LRRC7: variants seen among roughly 807,000 people sequenced by gnomAD.
LRRC7 encodes leucine-rich repeat-containing protein 7.
A neutral mutation model predicts 175.7 loss-of-function variants in LRRC7; 23 were observed. That is an observed-to-expected ratio of 0.13 (90% confidence interval 0.09 to 0.19). The LOEUF (loss-of-function observed/expected upper bound fraction) is 0.19, where lower values mean the gene tolerates loss of function less well. LRRC7 is among the 10% of genes least tolerant of loss of function. The pLI is 1.00. For synonymous variants in LRRC7, 685 were observed against 680.9 expected, an observed-to-expected ratio of 1.01 and a Z score of -0.09; for missense variants, 1,354 against 1,904.7, an observed-to-expected ratio of 0.71 and a Z score of 5.38.
At chr1:70,056,548 T>C (rs575275612) in intron 23 of LRRC7, among the ~76,000 whole-genome samples, 1 of 152,276 alleles carries the variant, frequency 6.6e-6, no homozygotes, top group African/African-American at 2.4e-5. Flanking sequence ...CTCATAATTA[T>C]AAGATTACTA....
At chr1:69,731,495 C>A (rs1371474141) in intron 2 of LRRC7, among the ~76,000 whole-genome samples, 1 of 152,034 alleles carries the variant, frequency 6.6e-6, no homozygotes, top group Non-Finnish European at 1.5e-5. Context: ...TATTGTTTTA[C>A]CAAAATGTGG....
At chr1:69,939,904 A>G (rs373516396) in intron 8 of LRRC7, among the ~76,000 whole-genome samples, 17 of 152,130 alleles carry the variant, frequency 1.1e-4, no homozygotes, top group Non-Finnish European at 8.8e-5. Flanking sequence ...CTGAAAAGCA[A>G]TCATTCCATA....
intron 1 of LRRC7, among the ~76,000 whole-genome samples, chr1:69,625,411 G>A (rs1341777): frequency 0.98 from 139,372 of 142,016 alleles, 68,498 homozygotes; most frequent in Middle Eastern, 1. Context: ...CAGTCTTTCC[G>A]AAGAACCAAG....
intron 1 of LRRC7, among the ~76,000 whole-genome samples, chr1:69,599,898 C>CA (rs956979628): frequency 6.6e-6 from 1 of 151,906 alleles, no homozygotes; most frequent in Non-Finnish European, 1.5e-5. Context: ...AGGAGGTCTG[C>CA]AAAAAACGTT....
At chr1:69,832,018 C>T (rs1261227866) in intron 5 of LRRC7, among the ~76,000 whole-genome samples, 3 of 152,084 alleles carry the variant, frequency 2.0e-5, no homozygotes, top group African/African-American at 7.2e-5. Context: ...TAAAGAATTG[C>T]CATAAATCAG....
intron 24 of LRRC7, among the ~76,000 whole-genome samples, chr1:70,087,134 T>G (rs1558057505): frequency 6.6e-6 from 1 of 152,202 alleles, no homozygotes; most frequent in Non-Finnish European, 1.5e-5. Context: ...TTAAGGCAGT[T>G]CTTCATACAC....
chr1:69,969,782 T>A (rs1354069443), intron 8 of LRRC7, among the ~76,000 whole-genome samples: 1 of 152,052 alleles, frequency 6.6e-6, no homozygotes, highest in Non-Finnish European at 1.5e-5. Flanking sequence ...CAAATAGACT[T>A]AACATATATT....
intron 7 of LRRC7, among the ~76,000 whole-genome samples, chr1:69,886,923 T>G (rs1335839197): frequency 1.3e-5 from 2 of 152,072 alleles, no homozygotes; most frequent in African/African-American, 4.8e-5. Context: ...AATTCTTTTC[T>G]TTAAGAATGT....
intron 7 of LRRC7, among the ~76,000 whole-genome samples, chr1:69,923,586 T>A (rs12045619): frequency 0.048 from 7,315 of 152,322 alleles, 224 homozygotes; most frequent in East Asian, 0.15. Context: ...GTTTTTTGGC[T>A]GCATAAATGT....
At chr1:69,787,535 A>C (rs541305753) in intron 3 of LRRC7, among the ~76,000 whole-genome samples, 1 of 152,186 alleles carries the variant, frequency 6.6e-6, no homozygotes, top group Non-Finnish European at 1.5e-5. Flanking sequence ...AGGTTCACAA[A>C]CCCCAATTTT....
At chr1:69,976,422 C>T (rs1652827764) in intron 8 of LRRC7, among the ~76,000 whole-genome samples, 2 of 152,198 alleles carry the variant, frequency 1.3e-5, no homozygotes. Context: ...TGTGCCCACC[C>T]AGTTAAGGGT....
intron 26 of LRRC7, among the ~76,000 whole-genome samples, chr1:70,117,810 ATT>A (rs1383409711): frequency 6.6e-6 from 1 of 152,112 alleles, no homozygotes; most frequent in African/African-American, 2.4e-5. Flanking sequence ...AATTGTACAC[ATT>A]TTATTCAAAT....
chr1:69,665,150 T>C (rs1658083294), intron 1 of LRRC7, among the ~76,000 whole-genome samples: 1 of 152,172 alleles, frequency 6.6e-6, no homozygotes, highest in Non-Finnish European at 1.5e-5. Context: ...CTCCATTCTG[T>C]TACACTGATC....
intron 1 of LRRC7, among the ~76,000 whole-genome samples, chr1:69,646,339 T>G (rs1308708137): frequency 6.6e-6 from 1 of 152,146 alleles, no homozygotes; most frequent in African/African-American, 2.4e-5. Flanking sequence ...TACATTTTTC[T>G]TCATCTTTTT....
At chr1:69,719,477 G>A (rs1666116160) in intron 2 of LRRC7, among the ~76,000 whole-genome samples, 1 of 151,506 alleles carries the variant, frequency 6.6e-6, no homozygotes, top group Non-Finnish European at 1.5e-5. Flanking sequence ...GGACTAAGAA[G>A]AAAATGAGAT....
chr1:69,854,483 A>G (rs992701061), intron 7 of LRRC7, among the ~76,000 whole-genome samples: 1 of 152,270 alleles, frequency 6.6e-6, no homozygotes, highest in South Asian at 2.1e-4. Flanking sequence ...AGCCTGGGCA[A>G]CAGAGCAAGA....
At chr1:69,732,266 A>C (rs1667658835) in intron 2 of LRRC7, among the ~76,000 whole-genome samples, 1 of 152,090 alleles carries the variant, frequency 6.6e-6, no homozygotes, top group Admixed American at 6.5e-5. Context: ...TAGGGCAAAA[A>C]AAGATTTTTT....
chr1:69,715,009 G>A (rs1380318682), intron 2 of LRRC7, among the ~76,000 whole-genome samples: 1 of 152,016 alleles, frequency 6.6e-6, no homozygotes, highest in Non-Finnish European at 1.5e-5. Flanking sequence ...TTTATATATT[G>A]TCACCCTAGC....
In LRRC7 at chr1:69,717,932, G is replaced by GAAAGAAGAA. The variant is rs1553145961; in HGVS notation, c.100+39460_100+39461insGAAAAAGAA. ...GAGAGAAAGAGAGAAAAAAAGAAAA[G>GAAAGAAGAA]AAAGAAAGAAAGAAAGAAAGAAAGA... On this transcript the variant is annotated intron_variant, in intron 2 of 26. Transcript: ENST00000651989. Among the ~76,000 whole-genome samples, 7 of 11,430 alleles carry GAAAGAAGAA rather than the reference G, an allele frequency of 6.1e-4. No individual in the cohort carries two copies. The East Asian group carries it at 0.014, about 23-fold the overall frequency. 7.5% of individuals were successfully genotyped at this position (11,430 alleles called of 152,430 possible). A position where few individuals can be genotyped will look rare whatever the true frequency, so the allele number is the denominator to read the frequency against.
Sources: allele counts gnomAD v4.1 joint callset (sites outside exome capture counted in the v4.1 genomes callset), GRCh38; gene constraint gnomAD v4.1.1; transcripts MANE v1.5; gene names NCBI Gene and HGNC (gene_info 2026-07-23, HGNC 2026-07-21).